TOM1L2: variants seen among roughly 807,000 people sequenced by gnomAD.
TOM1L2 encodes the protein TOM1-like protein 2.
A neutral mutation model predicts 67.9 loss-of-function variants in TOM1L2; 31 were observed. The observed-to-expected ratio is 0.46, with a 90% CI of 0.34 to 0.62. TOM1L2 has a LOEUF of 0.62. Among genes scored for constraint, TOM1L2 ranks in the 20% least tolerant of loss-of-function variants. TOM1L2 has a pLI of 0.01. For missense variants in TOM1L2, 606 were observed against 663.5 expected, an observed-to-expected ratio of 0.91 and a Z score of 0.95; for synonymous variants, 256 against 254.0, an observed-to-expected ratio of 1.01 and a Z score of -0.07.
chr17:17,960,657 C>T (rs2041641493), intron 1 of TOM1L2, among the ~76,000 whole-genome samples: 1 of 152,154 alleles, frequency 6.6e-6, no homozygotes, highest in African/African-American at 2.4e-5. Context: ...ACTTCTAAGC[C>T]TTAGTTTCCT....
chr17:17,847,046 G>C lies in TOM1L2; in HGVS notation c.*589C>G, dbSNP rs1177322245. ...GGCTGGCAGCTGAATGATGGAGAGA[G>C]GGTCAAGAAGGTGAGAGACCCCCAC... is the stretch of plus-strand genomic sequence containing the variant. On this transcript the variant is annotated 3_prime_UTR_variant, in exon 15 of 15. Coordinates refer to ENST00000379504, the MANE Select transcript of TOM1L2 (RefSeq NM_001082968.2). The C allele has an allele frequency of 6.5e-6, 1 of 153,048 alleles. No individual in the cohort carries two copies. The highest frequency in any genetic ancestry group is 1.5e-5 in the Non-Finnish European group (1 of 68,576). The allele number at this position is 153,048 out of a possible 1,614,324, so 9.5% of individuals were successfully genotyped here.
intron 4 of TOM1L2, among the ~76,000 whole-genome samples, chr17:17,885,889 C>T (rs1029323597): frequency 7.4e-6 from 1 of 134,456 alleles, no homozygotes; most frequent in African/African-American, 2.8e-5. Context: ...GGCGCCACTG[C>T]ACTCCAGCAT....
intron 1 of TOM1L2, among the ~76,000 whole-genome samples, chr17:17,956,207 C>A (rs2041439036): frequency 6.6e-6 from 1 of 152,184 alleles, no homozygotes; most frequent in African/African-American, 2.4e-5. Flanking sequence ...TTTACAGAGA[C>A]CTGATTGGCC....
intron 1 of TOM1L2, among the ~76,000 whole-genome samples, chr17:17,959,047 T>C (rs947858973): frequency 6.6e-6 from 1 of 152,262 alleles, no homozygotes; most frequent in African/African-American, 2.4e-5. Context: ...CCTTGCCCGA[T>C]GAATCTCTTC....
intron 1 of TOM1L2, among the ~76,000 whole-genome samples, chr17:17,959,885 C>A (rs1479593543): frequency 4.6e-5 from 7 of 152,222 alleles, no homozygotes; most frequent in Admixed American, 3.9e-4. Context: ...GTCTTAAAAG[C>A]AAGTTGGTCA....
At chr17:17,891,383 C>G (rs1303457446) in intron 4 of TOM1L2, among the ~76,000 whole-genome samples, 1 of 152,168 alleles carries the variant, frequency 6.6e-6, no homozygotes, top group Non-Finnish European at 1.5e-5. Context: ...CTAGGAGGAG[C>G]TGGAAAGTGT....
chr17:17,951,596 A>G (rs527352677), intron 1 of TOM1L2, among the ~76,000 whole-genome samples: 12 of 152,350 alleles, frequency 7.9e-5, no homozygotes, highest in East Asian at 3.9e-4. Context: ...AAGAATGGTG[A>G]CCAAAGGGTT....
chr17:17,932,186 A>G (rs1442862775), intron 1 of TOM1L2, among the ~76,000 whole-genome samples: 1 of 152,208 alleles, frequency 6.6e-6, no homozygotes, highest in Non-Finnish European at 1.5e-5. Context: ...AAGTGACTTA[A>G]CCCTAGAAAA....
chr17:17,971,605 T>G (rs2042089429), intron 1 of TOM1L2, among the ~76,000 whole-genome samples: 1 of 152,094 alleles, frequency 6.6e-6, no homozygotes, highest in African/African-American at 2.4e-5. Context: ...GGGACAAAGA[T>G]GGAGAAGAAG....
intron 1 of TOM1L2, among the ~76,000 whole-genome samples, chr17:17,923,945 G>A (rs1197455745): frequency 6.6e-6 from 1 of 151,976 alleles, no homozygotes; most frequent in Non-Finnish European, 1.5e-5. Flanking sequence ...AGACCAGCCT[G>A]GCCAACATGG....
At chr17:17,857,711 G>T in intron 12 of TOM1L2, 2 of 1,434,134 alleles carry the variant, frequency 1.4e-6, no homozygotes, top group Non-Finnish European at 1.9e-6. Context: ...GACATGAGCT[G>T]TTACACAGGT....
intron 1 of TOM1L2, among the ~76,000 whole-genome samples, chr17:17,936,370 G>C (rs556068976): frequency 6.6e-6 from 1 of 152,232 alleles, no homozygotes; most frequent in Admixed American, 6.5e-5. Flanking sequence ...CCCCAACCTG[G>C]GCCAGGTTAG....
At chr17:17,857,713 T>TA in intron 12 of TOM1L2, 1 of 1,446,582 alleles carries the variant, frequency 6.9e-7, no homozygotes, top group South Asian at 1.2e-5. Context: ...CATGAGCTGT[T>TA]ACACAGGTAG....
At chr17:17,881,751 G>A (rs2144045088) in intron 6 of TOM1L2, among the ~76,000 whole-genome samples, 2 of 152,278 alleles carry the variant, frequency 1.3e-5, no homozygotes, top group East Asian at 3.9e-4. Context: ...AGGCCCTGGG[G>A]GCTTCAAGTT....
intron 2 of TOM1L2, among the ~76,000 whole-genome samples, chr17:17,900,129 C>T (rs951780225): frequency 2.0e-5 from 3 of 152,110 alleles, no homozygotes; most frequent in Non-Finnish European, 2.9e-5. Flanking sequence ...AGGAGAATCG[C>T]TTGAACCTGG....
intron 1 of TOM1L2, among the ~76,000 whole-genome samples, chr17:17,953,203 T>C (rs1286677561): frequency 6.6e-6 from 1 of 152,064 alleles, no homozygotes; most frequent in African/African-American, 2.4e-5. Flanking sequence ...CTGCTTGAAC[T>C]GGGGAGGCAG....
intron 1 of TOM1L2, among the ~76,000 whole-genome samples, chr17:17,937,317 T>C (rs988538117): frequency 6.6e-6 from 1 of 152,244 alleles, no homozygotes; most frequent in African/African-American, 2.4e-5. Context: ...ATTTTTATTT[T>C]TATCTTTGAT....
At chr17:17,903,434 A>G (rs2038944585) in intron 2 of TOM1L2, among the ~76,000 whole-genome samples, 1 of 151,486 alleles carries the variant, frequency 6.6e-6, no homozygotes, top group South Asian at 2.1e-4. Flanking sequence ...CCATGGTGAA[A>G]CTCCGTCTCT....
At chr17:17,882,956 G>A in intron 5 of TOM1L2, 93 bp from the exon 6 acceptor site, 1 of 1,504,056 alleles carries the variant, frequency 6.6e-7, no homozygotes, top group African/African-American at 1.4e-5. Flanking sequence ...CTTCCCCAAG[G>A]CTGCCCACGA....
Sources: gnomAD v4.1 joint callset for allele counts (sites outside exome capture counted in the v4.1 genomes callset) on GRCh38, gnomAD v4.1.1 for gene constraint, MANE v1.5 for transcripts, NCBI Gene and HGNC (gene_info 2026-07-23, HGNC 2026-07-21) for gene names.